Variants in FARS2 observed in about 807,000 individuals in gnomAD.
FARS2 encodes phenylalanine--tRNA ligase, mitochondrial.
Under a neutral mutation model 46.4 loss-of-function variants are expected in FARS2, and 40 were observed. The ratio of observed to expected loss-of-function variants is 0.86; its 90% CI spans 0.67 to 1.12. FARS2 has a LOEUF of 1.12. Ranked by LOEUF, FARS2 falls within the 50% of genes most tolerant of loss-of-function variation. The pLI, the probability that FARS2 is intolerant of heterozygous loss-of-function variation, is 0.00. For missense variants in FARS2, 513 were observed against 567.9 expected (o/e 0.90, Z 0.98); for synonymous variants, 234 against 214.9 (o/e 1.09, Z -0.78).
intron 4 of FARS2, among the ~76,000 whole-genome samples, chr6:5,474,039 C>T (rs1018500601): frequency 1.3e-5 from 2 of 152,106 alleles, no homozygotes; most frequent in East Asian, 3.9e-4. Flanking sequence ...ATGTAGCCTC[C>T]CAATAACCAG....
intron 2 of FARS2, among the ~76,000 whole-genome samples, chr6:5,400,942 G>GT (rs139541380): frequency 0.081 from 12,291 of 151,772 alleles, 581 homozygotes; most frequent in East Asian, 0.11. Context: ...CTTGCTCGGT[G>GT]TTTTTTTGCT....
intron 1 of FARS2, among the ~76,000 whole-genome samples, chr6:5,333,572 A>G (rs554032793): frequency 1.3e-5 from 2 of 152,322 alleles, no homozygotes; most frequent in Admixed American, 6.5e-5. Flanking sequence ...TAGTATGGAC[A>G]TGTCTGAGGA....
intron 1 of FARS2, among the ~76,000 whole-genome samples, chr6:5,328,930 A>G (rs1388167989): frequency 6.6e-6 from 1 of 152,094 alleles, no homozygotes; most frequent in South Asian, 2.1e-4. Flanking sequence ...TTCCCCAGAC[A>G]TGACCTTGTA....
intron 4 of FARS2, among the ~76,000 whole-genome samples, chr6:5,523,059 C>A (rs1237046653): frequency 6.6e-6 from 1 of 152,172 alleles, no homozygotes; most frequent in African/African-American, 2.4e-5. Flanking sequence ...ATGAGCTGGA[C>A]TCAGCGGAAG....
At chr6:5,347,169 C>A (rs113008126) in intron 1 of FARS2, among the ~76,000 whole-genome samples, 1 of 152,110 alleles carries the variant, frequency 6.6e-6, no homozygotes, top group East Asian at 1.9e-4. Flanking sequence ...CCACCTTGGC[C>A]CCCCGAAGTG....
At chr6:5,584,972 G>A (rs533189566) in intron 5 of FARS2, among the ~76,000 whole-genome samples, 1 of 152,168 alleles carries the variant, frequency 6.6e-6, no homozygotes, top group East Asian at 1.9e-4. Flanking sequence ...GCAGCATAGA[G>A]AAGAAAAATG....
intron 6 of FARS2, among the ~76,000 whole-genome samples, chr6:5,629,726 A>C (rs1776211593): frequency 6.6e-6 from 1 of 152,110 alleles, no homozygotes; most frequent in Non-Finnish European, 1.5e-5. Flanking sequence ...GTCAAGGAAA[A>C]ATTTAATAAA....
chr6:5,619,682 G>A (rs562393748), intron 6 of FARS2, among the ~76,000 whole-genome samples: 3 of 151,758 alleles, frequency 2.0e-5, no homozygotes, highest in East Asian at 1.9e-4. Context: ...TTCTCAAGAG[G>A]GTCTTCACCA....
intron 4 of FARS2, among the ~76,000 whole-genome samples, chr6:5,540,102 A>G (rs1472625580): frequency 6.6e-6 from 1 of 152,198 alleles, no homozygotes; most frequent in Non-Finnish European, 1.5e-5. Context: ...TTGGCAGTGC[A>G]TGCGTGGGTC....
At chr6:5,636,517 G>A (rs752077398) in intron 6 of FARS2, among the ~76,000 whole-genome samples, 4 of 152,220 alleles carry the variant, frequency 2.6e-5, no homozygotes, top group Non-Finnish European at 4.4e-5. Flanking sequence ...CAATGATAGA[G>A]GTAGTCTTTC....
At chr6:5,442,049 A>G (rs1208341771) in intron 4 of FARS2, among the ~76,000 whole-genome samples, 1 of 152,022 alleles carries the variant, frequency 6.6e-6, no homozygotes. Context: ...TGAGCCATAG[A>G]GTAGCCGCCA....
At chr6:5,498,373 A>G (rs931224604) in intron 4 of FARS2, among the ~76,000 whole-genome samples, 4 of 152,184 alleles carry the variant, frequency 2.6e-5, no homozygotes, top group African/African-American at 7.2e-5. Flanking sequence ...GTTCAAGAGC[A>G]TCAGCGGGGA....
At chr6:5,486,877 A>G (rs761079395) in intron 4 of FARS2, among the ~76,000 whole-genome samples, 4 of 152,202 alleles carry the variant, frequency 2.6e-5, no homozygotes, top group Admixed American at 2.0e-4. Context: ...AAAAGCTAAT[A>G]TGATAATGGC....
chr6:5,463,691 A>T (rs969727927), intron 4 of FARS2, among the ~76,000 whole-genome samples: 7 of 115,678 alleles, frequency 6.1e-5, no homozygotes, highest in South Asian at 2.8e-4. Flanking sequence ...TTATGAGCAG[A>T]TTTGTTTTCT....
intron 4 of FARS2, among the ~76,000 whole-genome samples, chr6:5,478,712 T>G (rs1582222062): frequency 6.6e-6 from 1 of 152,094 alleles, no homozygotes; most frequent in Non-Finnish European, 1.5e-5. Flanking sequence ...TCGTCCAGGG[T>G]GCTTCCCTGG....
At chr6:5,265,842 C>T (rs1765515058) in intron 1 of FARS2, among the ~76,000 whole-genome samples, 1 of 152,174 alleles carries the variant, frequency 6.6e-6, no homozygotes, top group African/African-American at 2.4e-5. Context: ...GGTCTCAGTG[C>T]AAGGAGAGGT....
At chr6:5,433,411 T>C (rs1763342497) in intron 4 of FARS2, among the ~76,000 whole-genome samples, 1 of 152,200 alleles carries the variant, frequency 6.6e-6, no homozygotes. Context: ...GTCCCCTTAG[T>C]AGGAAATATT....
intron 3 of FARS2, among the ~76,000 whole-genome samples, chr6:5,425,954 G>A (rs1017329958): frequency 2.0e-5 from 3 of 152,172 alleles, no homozygotes; most frequent in African/African-American, 7.2e-5. Context: ...GGGGCTCAAA[G>A]AGGATAAGTA....
intron 1 of FARS2, among the ~76,000 whole-genome samples, chr6:5,364,358 A>G (rs1310520118): frequency 6.6e-6 from 1 of 152,218 alleles, no homozygotes; most frequent in African/African-American, 2.4e-5. Context: ...TCAAACCAAC[A>G]TTAGTATCTC....
Sources: allele counts gnomAD v4.1 joint callset (sites outside exome capture counted in the v4.1 genomes callset), GRCh38; gene constraint gnomAD v4.1.1; transcripts MANE v1.5; gene names NCBI Gene and HGNC (gene_info 2026-07-23, HGNC 2026-07-21).